The following SH3RF2 variants were observed in gnomAD, a reference collection of about 807,000 sequenced individuals.
SH3RF2 encodes the protein SH3 domain containing ring finger 2.
SH3RF2 carries 43 observed loss-of-function variants against 59.0 expected under a neutral mutation model. The observed-to-expected ratio is 0.73, with a 90% confidence interval of 0.57 to 0.94. SH3RF2 has a LOEUF of 0.94. Ranked by LOEUF, SH3RF2 falls within the 40% of genes least tolerant of loss-of-function variation. The pLI is 0.00. For missense variants in SH3RF2, 930 were observed against 940.1 expected (o/e 0.99, Z 0.14); for synonymous variants, 391 against 391.5 (o/e 1.00, Z 0.01).
At chr5:146,075,053 G>A (rs1763316055) in intron 9 of SH3RF2, among the ~76,000 whole-genome samples, 1 of 152,224 alleles carries the variant, frequency 6.6e-6, no homozygotes, top group Non-Finnish European at 1.5e-5. Context: ...TCCTTTGATA[G>A]ACAGGAATGT....
At chr5:146,044,586 CTT>C (rs539261102) in intron 5 of SH3RF2, among the ~76,000 whole-genome samples, 57 of 152,184 alleles carry the variant, frequency 3.7e-4, no homozygotes, top group Admixed American at 7.8e-4. Flanking sequence ...TTATTGGGTT[CTT>C]TGTCTTCTTA....
intron 2 of SH3RF2, among the ~76,000 whole-genome samples, chr5:145,941,256 C>T (rs1469820243): frequency 6.6e-6 from 1 of 152,164 alleles, no homozygotes; most frequent in Non-Finnish European, 1.5e-5. Context: ...CTCAAAGAGG[C>T]CTGATGCTTC....
chr5:146,007,110 TAAG>T (rs1345543186), intron 4 of SH3RF2, among the ~76,000 whole-genome samples: 5 of 152,174 alleles, frequency 3.3e-5, no homozygotes, highest in African/African-American at 4.8e-5. Context: ...TGCCATATCA[TAAG>T]AAGTGTGGAT....
chr5:146,047,779 C>G lies in SH3RF2; in HGVS notation c.1067C>G (p.Thr356Ser). ...VPSSCVGQVS[T>S]YHPAPVSPGH... ...TCTTTTCTGTCTGTGCAGGTCAGCA[C>G]TTATCACCCCGCACCTGTCTCTCCA... The change falls in exon 6 of 10, where the codon ACT becomes AGT. Residue 356 changes from threonine (T) to serine (S), a missense_variant. Transcript: ENST00000359120. 6.2e-7 allele frequency: 1 copy of G among 1,614,124 alleles called. No individual in the cohort carries two copies. The highest frequency in any genetic ancestry group is 8.5e-7 in the Non-Finnish European group (1 of 1,180,016).
intron 5 of SH3RF2, among the ~76,000 whole-genome samples, chr5:146,023,379 T>A (rs1297421122): frequency 6.6e-6 from 1 of 152,034 alleles, no homozygotes. Flanking sequence ...TGCCTAATTT[T>A]TGTATTGTTA....
At chr5:145,976,525 G>A (rs1175660809) in intron 2 of SH3RF2, among the ~76,000 whole-genome samples, 4 of 151,852 alleles carry the variant, frequency 2.6e-5, no homozygotes, top group African/African-American at 4.8e-5. Flanking sequence ...AAACCACCAC[G>A]TAGTTTCACT....
chr5:145,966,360 G>A (rs1373537522), intron 2 of SH3RF2, among the ~76,000 whole-genome samples: 2 of 152,084 alleles, frequency 1.3e-5, no homozygotes, highest in Non-Finnish European at 2.9e-5. Flanking sequence ...CACTGATGTA[G>A]GTGAAATCAA....
Position 146,013,964 on chromosome 5 carries a change from T to TA in SH3RF2, c.963dup (p.Glu322ArgfsTer77). The stretch of plus-strand genomic sequence containing the variant: ...CATTCTCCTTCAGGGCGCCATATGG[T>TA]AGAGATCAGCACCCCAGTGCTCATC... On this transcript the variant is annotated frameshift_variant, in exon 5 of 10. Transcript: ENST00000359120. LOFTEE classifies it high-confidence loss of function. The TA allele has an allele frequency of 6.2e-7, 1 of 1,614,072 alleles. No homozygotes were observed. Among genetic ancestry groups the TA allele is most frequent in the Non-Finnish European group, 8.5e-7 (1 of 1,179,990 alleles).
intron 9 of SH3RF2, among the ~76,000 whole-genome samples, chr5:146,069,583 GT>G (rs1386612175): frequency 1.3e-5 from 2 of 151,910 alleles, no homozygotes; most frequent in African/African-American, 4.8e-5. Flanking sequence ...TTTTTTGTTT[GT>G]TTTTTTGAGA....
chr5:146,023,476 T>C (rs866307291), intron 5 of SH3RF2, among the ~76,000 whole-genome samples: 1 of 152,224 alleles, frequency 6.6e-6, no homozygotes, highest in Middle Eastern at 3.4e-3. Context: ...CCCAAAGTAC[T>C]GGGATTACAG....
At chr5:146,004,757 GGAAA>G (rs2149986855) in intron 4 of SH3RF2, among the ~76,000 whole-genome samples, 1 of 152,036 alleles carries the variant, frequency 6.6e-6, no homozygotes, top group East Asian at 1.9e-4. Context: ...TCAATATTAT[GGAAA>G]GATTTATGAT....
At chr5:145,995,449 C>G (rs1220817828) in intron 2 of SH3RF2, among the ~76,000 whole-genome samples, 4 of 152,168 alleles carry the variant, frequency 2.6e-5, no homozygotes, top group African/African-American at 9.7e-5. Context: ...CCCAGAAACC[C>G]ATTCTCATCC....
At chr5:146,039,082 G>C (rs2150009126) in intron 5 of SH3RF2, among the ~76,000 whole-genome samples, 1 of 152,270 alleles carries the variant, frequency 6.6e-6, no homozygotes, top group East Asian at 1.9e-4. Flanking sequence ...TATGGTGCTG[G>C]GCTAATTGGG....
intron 5 of SH3RF2, among the ~76,000 whole-genome samples, chr5:146,018,930 T>C (rs1761210112): frequency 6.6e-6 from 1 of 151,990 alleles, no homozygotes; most frequent in Admixed American, 6.6e-5. Context: ...ATATATCTTG[T>C]GTATCTTCTT....
At chr5:146,004,568 CTA>C (rs1760559138) in intron 4 of SH3RF2, among the ~76,000 whole-genome samples, 1 of 151,898 alleles carries the variant, frequency 6.6e-6, no homozygotes, top group Non-Finnish European at 1.5e-5. Flanking sequence ...CAGAAATACT[CTA>C]AATATTCAAC....
chr5:145,950,784 A>T (rs1275492392), intron 2 of SH3RF2, among the ~76,000 whole-genome samples: 3 of 152,232 alleles, frequency 2.0e-5, no homozygotes, highest in Non-Finnish European at 4.4e-5. Flanking sequence ...GATTCAGGAC[A>T]AAATATATTT....
downstream of SH3RF2, among the ~76,000 whole-genome samples, chr5:146,064,991 A>C (rs910006392): frequency 1.3e-5 from 2 of 152,132 alleles, 1 homozygote; most frequent in South Asian, 4.1e-4. Context: ...CCACTCACAC[A>C]CTCGGCAAAC....
intron 2 of SH3RF2, among the ~76,000 whole-genome samples, chr5:145,998,344 T>C (rs1260926843): frequency 6.6e-6 from 1 of 151,882 alleles, no homozygotes; most frequent in African/African-American, 2.4e-5. Flanking sequence ...CATATATGTA[T>C]GTATAAAGAC....
At chr5:146,064,711 A>AAGGAAGGAAGGAAGGAAGG (rs1763025571), downstream of SH3RF2, among the ~76,000 whole-genome samples, 1 of 17,060 alleles carries the variant, frequency 5.9e-5, no homozygotes, top group African/African-American at 1.8e-4. Context: ...AGAAAGAAAG[A>AAGGAAGGAAGGAAGGAAGG]AAGAAAGAAA....
Sources: allele counts gnomAD v4.1 joint callset (sites outside exome capture counted in the v4.1 genomes callset), GRCh38; gene constraint gnomAD v4.1.1; transcripts MANE v1.5; gene names NCBI Gene and HGNC (gene_info 2026-07-23, HGNC 2026-07-21).